Variants in NOL4 observed in about 807,000 individuals in gnomAD.
The protein encoded by NOL4 is cancer/testis antigen 125.
In NOL4, 17 loss-of-function variants were observed where a neutral mutation model predicts 75.9. The ratio of observed to expected loss-of-function variants is 0.22; its 90% CI spans 0.15 to 0.34. NOL4 has a LOEUF of 0.34. Ranked by LOEUF, NOL4 falls within the 10% of genes least tolerant of loss-of-function variation. The probability of loss-of-function intolerance (pLI) is 1.00; values close to 1 mark genes in which losing one functional copy is unlikely to be tolerated. For missense variants in NOL4, 614 were observed against 793.5 expected (o/e 0.77, Z 2.72); for synonymous variants, 292 against 289.9 (o/e 1.01, Z -0.07).
At chr18:33,893,850 G>A (rs1163718504) in intron 9 of NOL4, among the ~76,000 whole-genome samples, 1 of 152,054 alleles carries the variant, frequency 6.6e-6, no homozygotes, top group Non-Finnish European at 1.5e-5. Context: ...GTGATCCACT[G>A]TTTTAAGGTA....
At chr18:34,147,171 C>T (rs571871114) in intron 1 of NOL4, among the ~76,000 whole-genome samples, 7 of 152,118 alleles carry the variant, frequency 4.6e-5, no homozygotes, top group East Asian at 1.9e-4. Context: ...CAAACATAGA[C>T]GATTTGACTT....
chr18:34,171,052 A>G (rs551917168), intron 1 of NOL4, among the ~76,000 whole-genome samples: 1 of 152,302 alleles, frequency 6.6e-6, no homozygotes, highest in South Asian at 2.1e-4. Context: ...CTTTCTTTTA[A>G]TTCATAGAAT....
rs191517959 is a variant in NOL4, at chr18:34,027,124, G to C, written c.773-7523C>G. On this transcript the variant is annotated intron_variant, in intron 5 of 10. Transcript: ENST00000261592. Reference sequence around the variant, plus strand: ...TGTCTCTCAGTGAAGGCAGGCTTTAGAAAGAGTTGGATTATAGAAATAGTA... The same window carrying C: ...TGTCTCTCAGTGAAGGCAGGCTTTACAAAGAGTTGGATTATAGAAATAGTA... 1.3e-3 allele frequency among the ~76,000 whole-genome samples: 195 copies of C among 152,302 alleles called. 1 individual carries two copies. The highest frequency in any genetic ancestry group is 4.7e-3 in the African/African-American group (194 of 41,570).
intron 6 of NOL4, among the ~76,000 whole-genome samples, chr18:33,982,322 T>C (rs1413493987): frequency 1.3e-5 from 2 of 151,982 alleles, no homozygotes; most frequent in Non-Finnish European, 2.9e-5. Context: ...AGAAGCCCAA[T>C]TCAAATATAA....
intron 10 of NOL4, among the ~76,000 whole-genome samples, chr18:33,864,254 T>G (rs1418924470): frequency 1.3e-5 from 2 of 152,204 alleles, no homozygotes; most frequent in Non-Finnish European, 2.9e-5. Flanking sequence ...TTATGCAAAT[T>G]TCTGTAGCTG....
At chr18:33,942,596 G>A (rs1157202687) in intron 9 of NOL4, among the ~76,000 whole-genome samples, 3 of 151,824 alleles carry the variant, frequency 2.0e-5, no homozygotes, top group African/African-American at 7.3e-5. Flanking sequence ...TCCTCATTTT[G>A]TGACTTTCTA....
chr18:33,852,974 T>A lies in NOL4; in HGVS notation c.1785A>T (p.Ser595=). The A allele has an allele frequency of 6.2e-7, 1 of 1,613,138 alleles. No individual in the cohort carries two copies. The highest frequency in any genetic ancestry group is 8.5e-7 in the Non-Finnish European group (1 of 1,179,410). Residue 595 remains serine, a synonymous_variant, in exon 11 of 11, where the codon TCA becomes TCT. Transcript: ENST00000261592. The part of the protein sequence containing the change: ...LATSSGSSSS[S]NSRPQLSPTE... ...TTGGACTCAGCTGGGGTCTGGAGTT[T>A]GAGCTGCTGGAGGATCCTGAGCTAG...
At chr18:33,912,950 C>T (rs1343681665) in intron 9 of NOL4, among the ~76,000 whole-genome samples, 1 of 152,080 alleles carries the variant, frequency 6.6e-6, no homozygotes, top group African/African-American at 2.4e-5. Flanking sequence ...ACCAAAACTA[C>T]AGTGTCTTGA....
At chr18:34,001,535 C>T (rs994416152) in intron 6 of NOL4, among the ~76,000 whole-genome samples, 3 of 151,994 alleles carry the variant, frequency 2.0e-5, no homozygotes, top group Non-Finnish European at 4.4e-5. Context: ...AAGCACACCA[C>T]GTCAACATGA....
At chr18:34,047,742 G>A (rs2076447163) in intron 5 of NOL4, among the ~76,000 whole-genome samples, 2 of 152,036 alleles carry the variant, frequency 1.3e-5, no homozygotes, top group Admixed American at 6.6e-5. Flanking sequence ...AAGGAACTGT[G>A]TAAGCACAAA....
At chr18:34,128,400 A>C (rs1438042277) in intron 2 of NOL4, among the ~76,000 whole-genome samples, 1 of 151,900 alleles carries the variant, frequency 6.6e-6, no homozygotes, top group Non-Finnish European at 1.5e-5. Flanking sequence ...CTATTTCATG[A>C]AAATGTATTA....
intron 9 of NOL4, among the ~76,000 whole-genome samples, chr18:33,888,869 T>C (rs1376317040): frequency 6.6e-6 from 1 of 152,064 alleles, no homozygotes; most frequent in African/African-American, 2.4e-5. Flanking sequence ...TCCAGCTTTG[T>C]TCTTTTTGCT....
intron 10 of NOL4, among the ~76,000 whole-genome samples, chr18:33,864,659 T>G (rs559834783): frequency 6.6e-6 from 1 of 152,316 alleles, no homozygotes; most frequent in African/African-American, 2.4e-5. Context: ...TGCTTCCACA[T>G]TTTCAGGTTA....
chr18:34,222,228 C>A, intron 1 of NOL4: 1 of 1,406,530 alleles, frequency 7.1e-7, no homozygotes. Context: ...ACTAGAGCCA[C>A]CCCAGAAAAA....
At chr18:34,187,056 A>G (rs2034515581) in intron 1 of NOL4, among the ~76,000 whole-genome samples, 2 of 152,160 alleles carry the variant, frequency 1.3e-5, no homozygotes, top group South Asian at 4.1e-4. Flanking sequence ...GAGTGGACTT[A>G]TAGTTTACAT....
chr18:34,127,415 A>G (rs1432942796), intron 2 of NOL4, among the ~76,000 whole-genome samples: 8 of 151,888 alleles, frequency 5.3e-5, no homozygotes, highest in African/African-American at 1.9e-4. Context: ...AAAAAGGAGA[A>G]AAAGAAGGTC....
chr18:34,140,179 T>C lies in NOL4; in HGVS notation c.265-10159A>G, dbSNP rs185749553. Among the ~76,000 whole-genome samples, 9 of 152,328 alleles carry C rather than the reference T, an allele frequency of 5.9e-5. No individual in the cohort carries two copies. The East Asian group carries it at 1.7e-3, about 29-fold the overall frequency. On this transcript the variant is annotated intron_variant, in intron 1 of 10. Coordinates refer to ENST00000261592, the MANE Select transcript of NOL4 (RefSeq NM_003787.5). Reference sequence around the variant, plus strand: ...TGTTGATTTGGGGCAGAGAGTTCTGTAGATGTCTATTAGGTCTGCTTGGTG... The same window carrying C: ...TGTTGATTTGGGGCAGAGAGTTCTGCAGATGTCTATTAGGTCTGCTTGGTG...
At chr18:33,917,635 C>T (rs1220056862) in intron 9 of NOL4, among the ~76,000 whole-genome samples, 1 of 151,994 alleles carries the variant, frequency 6.6e-6, no homozygotes, top group African/African-American at 2.4e-5. Context: ...GCTGGGACTA[C>T]AGGTGGGTGC....
At chr18:34,192,280 C>T (rs1420722879) in intron 1 of NOL4, among the ~76,000 whole-genome samples, 1 of 152,046 alleles carries the variant, frequency 6.6e-6, no homozygotes, top group Non-Finnish European at 1.5e-5. Context: ...GTTAAAACAT[C>T]CATAGTACCC....
Sources: gnomAD v4.1 joint callset for allele counts (sites outside exome capture counted in the v4.1 genomes callset) on GRCh38, gnomAD v4.1.1 for gene constraint, MANE v1.5 for transcripts, NCBI Gene and HGNC (gene_info 2026-07-23, HGNC 2026-07-21) for gene names.